The following HPSE2 variants were observed in gnomAD, a reference collection of about 807,000 sequenced individuals.
HPSE2 encodes inactive heparanase-2.
In HPSE2, 38 loss-of-function variants were observed where a neutral mutation model predicts 60.5. That is an observed-to-expected ratio of 0.63 (90% confidence interval 0.48 to 0.82). The LOEUF (loss-of-function observed/expected upper bound fraction) is 0.82, where lower values mean the gene tolerates loss of function less well. Among genes scored for constraint, HPSE2 ranks in the 40% least tolerant of loss-of-function variants. HPSE2 has a pLI of 0.00. For synonymous variants in HPSE2, 295 were observed against 293.2 expected (o/e 1.01, Z -0.06); for missense variants, 713 against 740.4 (o/e 0.96, Z 0.43).
chr10:98,798,575 A>G (rs1190838627), intron 3 of HPSE2, among the ~76,000 whole-genome samples: 1 of 152,208 alleles, frequency 6.6e-6, no homozygotes, highest in Non-Finnish European at 1.5e-5. Flanking sequence ...AAAGTTAAAA[A>G]TTGAGGGGAT....
intron 2 of HPSE2, among the ~76,000 whole-genome samples, chr10:99,223,037 T>TACAC (rs766077088): frequency 1.3e-5 from 2 of 152,124 alleles, no homozygotes; most frequent in Non-Finnish European, 2.9e-5. Flanking sequence ...CTAAGCACAA[T>TACAC]ACACGACTGG....
At position 98,603,161 on chromosome 10, in the gene HPSE2, A is replaced by G. The variant is rs151327869; in HGVS notation, c.1320+11743T>C. On this transcript the variant is annotated intron_variant, in intron 9 of 11. Coordinates refer to ENST00000370552, the MANE Select transcript of HPSE2 (RefSeq NM_021828.5). ...GACACAGGGCAAACCACTGCCCCCA[A>G]AATTGGAGAGACAGACAGACAAATA... 3.6e-3 allele frequency among the ~76,000 whole-genome samples: 555 copies of G among 152,280 alleles called. 5 individuals carry two copies. Among genetic ancestry groups the G allele is most frequent in the African/African-American group, 0.013 (539 of 41,552 alleles).
chr10:98,747,300 G>C (rs1015175749), intron 3 of HPSE2, among the ~76,000 whole-genome samples: 1 of 152,030 alleles, frequency 6.6e-6, no homozygotes, highest in Non-Finnish European at 1.5e-5. Flanking sequence ...TCAAATGTTT[G>C]CATCAAAATT....
intron 2 of HPSE2, among the ~76,000 whole-genome samples, chr10:99,214,273 T>C (rs967806981): frequency 2.0e-5 from 3 of 152,192 alleles, no homozygotes; most frequent in African/African-American, 7.2e-5. Flanking sequence ...TGAAATGGTA[T>C]AGCCATTGGG....
At chr10:98,493,768 G>C (rs1941738036) in intron 9 of HPSE2, among the ~76,000 whole-genome samples, 1 of 152,108 alleles carries the variant, frequency 6.6e-6, no homozygotes, top group Admixed American at 6.5e-5. Flanking sequence ...CTTTTGACTG[G>C]AGAGTTTAAT....
At chr10:99,090,056 G>C (rs1207835179) in intron 3 of HPSE2, among the ~76,000 whole-genome samples, 1 of 152,082 alleles carries the variant, frequency 6.6e-6, no homozygotes, top group Non-Finnish European at 1.5e-5. Flanking sequence ...CCATTTACCA[G>C]TCTAGGAGCT....
chr10:98,671,748 T>C (rs1281702884), intron 6 of HPSE2, among the ~76,000 whole-genome samples: 2 of 152,102 alleles, frequency 1.3e-5, no homozygotes, highest in East Asian at 3.9e-4. Context: ...TAAGAAAGGC[T>C]TAGTAAAGAA....
At position 99,154,672 on chromosome 10, in the gene HPSE2, A is replaced by G. The variant is rs972472778; in HGVS notation, c.449-10273T>C. Among the ~76,000 whole-genome samples, 716 of 151,514 alleles carry G rather than the reference A, an allele frequency of 4.7e-3. 3 individuals carry two copies. The highest frequency in any genetic ancestry group is 0.016 in the African/African-American group (676 of 41,482). ...CATGCCAAAATATAAAGACCATCGAAACTAGGAAGAAACTGCATAAACTAA... is the reference window on the plus strand; with the variant it reads ...CATGCCAAAATATAAAGACCATCGAGACTAGGAAGAAACTGCATAAACTAA... On this transcript the variant is annotated intron_variant, in intron 2 of 11. Transcript: ENST00000370552.
chr10:98,977,292 T>A (rs1249428902), intron 3 of HPSE2, among the ~76,000 whole-genome samples: 1 of 152,142 alleles, frequency 6.6e-6, no homozygotes, highest in Non-Finnish European at 1.5e-5. Flanking sequence ...AGAATGGCAA[T>A]GACATTGGAA....
chr10:98,648,449 C>T (rs72840528), intron 6 of HPSE2, among the ~76,000 whole-genome samples: 1,545 of 152,158 alleles, frequency 0.01, 13 homozygotes, highest in South Asian at 0.027. Context: ...AAACTTAACA[C>T]AAGTTGTGGG....
chr10:98,893,096 T>C (rs1308117782), intron 3 of HPSE2, among the ~76,000 whole-genome samples: 1 of 152,088 alleles, frequency 6.6e-6, no homozygotes, highest in Non-Finnish European at 1.5e-5. Context: ...AGATGGAGTT[T>C]CGCTCTTGTT....
chr10:98,837,735 G>T (rs371338898), intron 3 of HPSE2, among the ~76,000 whole-genome samples: 1 of 152,088 alleles, frequency 6.6e-6, no homozygotes, highest in East Asian at 1.9e-4. Context: ...TTAGCCGGGC[G>T]TGGTGGCGGG....
chr10:98,709,111 T>C (rs1272521429), intron 5 of HPSE2, among the ~76,000 whole-genome samples: 2 of 152,352 alleles, frequency 1.3e-5, no homozygotes, highest in East Asian at 3.9e-4. Flanking sequence ...AATCTAACAT[T>C]GATAGATTGT....
chr10:98,675,682 T>C (rs1263264928), intron 6 of HPSE2, among the ~76,000 whole-genome samples: 1 of 151,922 alleles, frequency 6.6e-6, no homozygotes, highest in African/African-American at 2.4e-5. Flanking sequence ...GAACTATGAT[T>C]ATGCTACTGC....
chr10:98,461,849 CA>C, intron 11 of HPSE2: 2 of 1,517,606 alleles, frequency 1.3e-6, no homozygotes, highest in Non-Finnish European at 1.8e-6. Context: ...GTGTGATTAG[CA>C]AACCTTTAAA....
intron 3 of HPSE2, among the ~76,000 whole-genome samples, chr10:98,858,274 A>T (rs1952366634): frequency 6.6e-6 from 1 of 152,138 alleles, no homozygotes; most frequent in Non-Finnish European, 1.5e-5. Flanking sequence ...AAATTCTGCC[A>T]CTCTTGACCT....
At chr10:98,894,889 T>C (rs1245521791) in intron 3 of HPSE2, among the ~76,000 whole-genome samples, 1 of 148,796 alleles carries the variant, frequency 6.7e-6, no homozygotes, top group Non-Finnish European at 1.5e-5. Flanking sequence ...AAAAGAAAAA[T>C]GGTATACACA....
chr10:98,851,179 A>C (rs556829811), intron 3 of HPSE2, among the ~76,000 whole-genome samples: 1 of 152,356 alleles, frequency 6.6e-6, no homozygotes, highest in South Asian at 2.1e-4. Context: ...AGAGATAGCC[A>C]TGTGTTCTGG....
rs1554950581 is a variant in HPSE2 at position 98,600,926 on chromosome 10, T to TATATATATA, written c.1320+13969_1320+13977dup. On this transcript the variant is annotated intron_variant, in intron 9 of 11. Coordinates refer to ENST00000370552, the MANE Select transcript of HPSE2 (RefSeq NM_021828.5). ...ATGTGTGTGTGTATATATATATATATATATATATATATATAGAAAGAGAGA... is the reference window on the plus strand; with the variant it reads ...ATGTGTGTGTGTATATATATATATATATATATATAATATATATATATATAGAAAGAGAGA... 1.5e-3 allele frequency among the ~76,000 whole-genome samples: 165 copies of TATATATATA among 107,898 alleles called. 2 individuals are homozygous for TATATATATA. Among genetic ancestry groups the TATATATATA allele is most frequent in the Admixed American group, 2.9e-3 (29 of 9,944 alleles). The allele number at this position is 107,898 out of a possible 152,430, so 70.8% of individuals were successfully genotyped here. A position where few individuals can be genotyped will look rare whatever the true frequency, so the allele number is the denominator to read the frequency against.
Sources: allele counts gnomAD v4.1 joint callset (sites outside exome capture counted in the v4.1 genomes callset), GRCh38; gene constraint gnomAD v4.1.1; transcripts MANE v1.5; gene names NCBI Gene and HGNC (gene_info 2026-07-23, HGNC 2026-07-21).